Variants in FXR1 observed in about 807,000 individuals in gnomAD.
The protein encoded by FXR1 is FMR1 autosomal homolog 1, also known as RNA-binding protein FXR1.
Under a neutral mutation model 84.0 loss-of-function variants are expected in FXR1, and 15 were observed. The ratio of observed to expected loss-of-function variants is 0.18; its 90% CI spans 0.12 to 0.27. The LOEUF is 0.27. Among genes scored for constraint, FXR1 ranks in the 10% least tolerant of loss-of-function variants. FXR1 has a pLI of 1.00. For synonymous variants in FXR1, 245 were observed against 250.7 expected (o/e 0.98, Z 0.21); for missense variants, 480 against 774.4 (o/e 0.62, Z 4.51).
chr3:180,973,910 T>A (rs1013184453), intron 15 of FXR1, among the ~76,000 whole-genome samples: 2 of 152,160 alleles, frequency 1.3e-5, no homozygotes, highest in African/African-American at 2.4e-5. Flanking sequence ...CCAGAATGAT[T>A]TAGTTGTTTT....
At chr3:180,929,463 A>G (rs1363904097) in intron 1 of FXR1, among the ~76,000 whole-genome samples, 7 of 152,190 alleles carry the variant, frequency 4.6e-5, no homozygotes, top group Non-Finnish European at 1.0e-4. Context: ...GATGCCTTGA[A>G]ATCTTCTGTG....
At chr3:180,974,170 T>TC (rs1258180062) in intron 15 of FXR1, among the ~76,000 whole-genome samples, 1 of 151,698 alleles carries the variant, frequency 6.6e-6, no homozygotes, top group Admixed American at 6.6e-5. Flanking sequence ...CTTTTTTTTT[T>TC]TTTTTGAAAC....
chr3:180,967,700 C>T (rs1241065611), intron 13 of FXR1, among the ~76,000 whole-genome samples: 7 of 151,350 alleles, frequency 4.6e-5, no homozygotes, highest in Non-Finnish European at 1.0e-4. Flanking sequence ...GGATATTATC[C>T]CCTTTTGCTG....
chr3:180,953,526 T>A (rs1171279852), intron 8 of FXR1, among the ~76,000 whole-genome samples: 2 of 152,196 alleles, frequency 1.3e-5, no homozygotes, highest in Non-Finnish European at 2.9e-5. Flanking sequence ...ATTTTAGAGA[T>A]GTTATTTTAT....
chr3:180,914,679 A>C, intron 1 of FXR1: 1 of 699,526 alleles, frequency 1.4e-6, no homozygotes, highest in Non-Finnish European at 1.8e-6. Flanking sequence ...AAATGTCCCC[A>C]TTTTGGAACT....
At chr3:180,968,458 C>T (rs1713119828) in intron 14 of FXR1, 3 of 460,558 alleles carry the variant, frequency 6.5e-6, no homozygotes, top group Non-Finnish European at 1.2e-5. Flanking sequence ...ATATACTGGT[C>T]AGAACTTTAG....
At chr3:180,966,992 G>C (rs1446005678) in intron 13 of FXR1, among the ~76,000 whole-genome samples, 1 of 152,104 alleles carries the variant, frequency 6.6e-6, no homozygotes, top group African/African-American at 2.4e-5. Context: ...TTTTTGAAAG[G>C]TCACCATTAC....
chr3:180,965,772 T>C (rs1712744906), intron 13 of FXR1, among the ~76,000 whole-genome samples: 1 of 152,178 alleles, frequency 6.6e-6, no homozygotes, highest in Non-Finnish European at 1.5e-5. Context: ...ATATGAGTAA[T>C]GTTGAGCACT....
intron 15 of FXR1, among the ~76,000 whole-genome samples, chr3:180,972,769 C>T (rs1577008537): frequency 6.6e-6 from 1 of 152,118 alleles, no homozygotes; most frequent in East Asian, 1.9e-4. Flanking sequence ...TGTTTTACTT[C>T]TTTGGGATTA....
chr3:180,947,316 G>T (rs950630925), intron 3 of FXR1, among the ~76,000 whole-genome samples: 20 of 152,104 alleles, frequency 1.3e-4, no homozygotes, highest in African/African-American at 4.8e-4. Flanking sequence ...CAAAGTGCTG[G>T]GATTACAGGT....
chr3:180,977,062 T>C lies in FXR1; in HGVS notation c.*770T>C, dbSNP rs892785263. The C allele has an allele frequency of 6.6e-6, 1 of 151,572 alleles. No individual in the cohort carries two copies. The highest frequency in any genetic ancestry group is 1.5e-5 in the Non-Finnish European group (1 of 67,848). 9.4% of individuals were successfully genotyped at this position (151,572 alleles called of 1,614,324 possible). A position where few individuals can be genotyped will look rare whatever the true frequency, so the allele number is the denominator to read the frequency against. On this transcript the variant is annotated 3_prime_UTR_variant, in exon 17 of 17. Coordinates refer to ENST00000357559, the MANE Select transcript of FXR1 (RefSeq NM_005087.4). ...CTACATGTTAGTCTTCAGTAGAGTA[T>C]CTTTTTTTTTTCCTTTTTTTTTTTT...
intron 9 of FXR1, 39 bp from the exon 10 acceptor site, chr3:180,957,780 G>A: frequency 1.1e-6 from 1 of 936,466 alleles, no homozygotes; most frequent in Non-Finnish European, 1.7e-6. Context: ...GCAGAATTGA[G>A]TTTTAGCTTA....
intron 1 of FXR1, among the ~76,000 whole-genome samples, chr3:180,925,387 G>A (rs1051347373): frequency 6.6e-6 from 1 of 150,736 alleles, no homozygotes; most frequent in African/African-American, 2.4e-5. Context: ...ACATTCCTCT[G>A]TTGTCTCCAG....
At chr3:180,923,250 C>T (rs1718791976) in intron 1 of FXR1, among the ~76,000 whole-genome samples, 1 of 152,188 alleles carries the variant, frequency 6.6e-6, no homozygotes, top group Non-Finnish European at 1.5e-5. Context: ...TGATGCTCAG[C>T]ATCCTGGAGG....
At chr3:180,945,666 C>T (rs796282494) in intron 3 of FXR1, among the ~76,000 whole-genome samples, 8 of 152,272 alleles carry the variant, frequency 5.3e-5, no homozygotes, top group African/African-American at 1.9e-4. Flanking sequence ...TGCTTTGGCT[C>T]CCCAAAGTTT....
In FXR1 at chr3:180,955,888, C is replaced by T. The variant is rs773736603; in HGVS notation, c.881-1931C>T. ...TGTCTCTTTTCCTGTATCCTGTCTA[C>T]GTTGGCTTTGGTGATGTGGGTTGTG... On this transcript the variant is annotated intron_variant, in intron 9 of 16. Coordinates refer to ENST00000357559, the MANE Select transcript of FXR1 (RefSeq NM_005087.4). Among the ~76,000 whole-genome samples, 27 of 152,240 alleles carry T rather than the reference C, an allele frequency of 1.8e-4. 1 individual carries two copies. Among genetic ancestry groups the T allele is most frequent in the Non-Finnish European group, 1.9e-4 (13 of 68,006 alleles).
chr3:180,966,363 GT>G (rs1487521201), intron 13 of FXR1, among the ~76,000 whole-genome samples: 3 of 152,126 alleles, frequency 2.0e-5, no homozygotes, highest in Non-Finnish European at 2.9e-5. Context: ...GCATCCTAGA[GT>G]TATCGTTAAA....
intron 13 of FXR1, among the ~76,000 whole-genome samples, chr3:180,964,676 TATATA>T (rs1560017673): frequency 1.4e-3 from 35 of 25,592 alleles, no homozygotes; most frequent in East Asian, 1.3e-3. Context: ...AGTTGATTTA[TATATA>T]TATATATATA....
chr3:180,960,711 T>C (rs1711989772), intron 10 of FXR1, among the ~76,000 whole-genome samples: 1 of 152,146 alleles, frequency 6.6e-6, no homozygotes, highest in Non-Finnish European at 1.5e-5. Flanking sequence ...GTGATCCACC[T>C]GCCTCAGCCT....
Sources: allele counts gnomAD v4.1 joint callset (sites outside exome capture counted in the v4.1 genomes callset), GRCh38; gene constraint gnomAD v4.1.1; transcripts MANE v1.5; gene names NCBI Gene and HGNC (gene_info 2026-07-23, HGNC 2026-07-21).